EPB41L5: variants seen among roughly 807,000 people sequenced by gnomAD.
EPB41L5 encodes erythrocyte membrane protein band 4.1 like 5.
In EPB41L5, 55 loss-of-function variants were observed where a neutral mutation model predicts 106.6. The observed-to-expected ratio is 0.52, with a 90% CI of 0.42 to 0.65. The LOEUF (loss-of-function observed/expected upper bound fraction) is 0.65. EPB41L5 is among the 30% of genes least tolerant of loss of function. EPB41L5 has a pLI of 0.00. For synonymous variants in EPB41L5, 297 were observed against 306.7 expected, an observed-to-expected ratio of 0.97 and a Z score of 0.33; for missense variants, 871 against 882.1, an observed-to-expected ratio of 0.99 and a Z score of 0.16.
At chr2:120,120,928 C>G (rs1185167132) in intron 16 of EPB41L5, among the ~76,000 whole-genome samples, 6 of 152,148 alleles carry the variant, frequency 3.9e-5, no homozygotes, top group Admixed American at 3.9e-4. Flanking sequence ...CCAGCCCGGC[C>G]AACATGGCGA....
intron 17 of EPB41L5, among the ~76,000 whole-genome samples, chr2:120,129,975 GTC>G (rs1385083158): frequency 6.6e-6 from 1 of 152,086 alleles, no homozygotes; most frequent in Non-Finnish European, 1.5e-5. Flanking sequence ...GCAAAACCCA[GTC>G]TCTACTAAAA....
intron 3 of EPB41L5, among the ~76,000 whole-genome samples, chr2:120,045,069 C>A (rs914095475): frequency 6.6e-6 from 1 of 152,110 alleles, no homozygotes; most frequent in Admixed American, 6.6e-5. Flanking sequence ...TGAAGGGAAG[C>A]GTAAAATGCG....
chr2:120,119,821 A>G lies in EPB41L5; in HGVS notation c.1338-7867A>G, dbSNP rs555692191. On this transcript the variant is annotated intron_variant, in intron 16 of 24. Coordinates refer to ENST00000263713, the MANE Select transcript of EPB41L5 (RefSeq NM_020909.4). Reference sequence around the variant, plus strand: ...AATTAGCATAATCAAATACGTGTCTATTTGAGACAATTAATTTGCATTTCT... The same window carrying G: ...AATTAGCATAATCAAATACGTGTCTGTTTGAGACAATTAATTTGCATTTCT... Among the ~76,000 whole-genome samples the G allele has an allele frequency of 4.1e-4, 62 of 152,340 alleles. 1 individual carries two copies. The highest frequency in any genetic ancestry group is 9.6e-4 in the African/African-American group (40 of 41,586).
intron 19 of EPB41L5, 145 bp downstream of exon 19, chr2:120,143,276 GA>G: frequency 1.0e-6 from 1 of 992,770 alleles, no homozygotes. Context: ...TGCTCAGGGG[GA>G]TACGAAGGCT....
At chr2:120,075,328 T>C in intron 5 of EPB41L5, 148 bp from the exon 6 acceptor site, 1 of 669,228 alleles carries the variant, frequency 1.5e-6, no homozygotes, top group Non-Finnish European at 2.6e-6. Context: ...TATTCAATTA[T>C]TTCATGTATC....
At chr2:120,103,441 A>G (rs1275803523) in intron 16 of EPB41L5, among the ~76,000 whole-genome samples, 1 of 152,126 alleles carries the variant, frequency 6.6e-6, no homozygotes, top group Non-Finnish European at 1.5e-5. Flanking sequence ...GTTGAATTTC[A>G]TTTTGAGGTC....
chr2:120,019,038 T>C (rs1677737706), intron 1 of EPB41L5, 39 bp from the exon 2 acceptor site: 18 of 1,547,888 alleles, frequency 1.2e-5, no homozygotes, highest in Non-Finnish European at 1.6e-5. Context: ...AGAATCTCAT[T>C]TTTTTCCTGA....
chr2:120,154,644 G>A (rs371699591), intron 20 of EPB41L5, among the ~76,000 whole-genome samples: 15 of 151,918 alleles, frequency 9.9e-5, no homozygotes, highest in African/African-American at 3.4e-4. Context: ...ACATGTTTAT[G>A]GGCCAGGCGT....
intron 16 of EPB41L5, among the ~76,000 whole-genome samples, chr2:120,124,212 A>G (rs1685358787): frequency 1.3e-5 from 2 of 151,892 alleles, no homozygotes; most frequent in South Asian, 4.2e-4. Context: ...ACCGTTCTTC[A>G]CTCCCCTCAT....
At chr2:120,073,328 AT>A (rs1174531060) in intron 4 of EPB41L5, 108 bp downstream of exon 4, 9 of 982,006 alleles carry the variant, frequency 9.2e-6, no homozygotes, top group Non-Finnish European at 1.4e-5. Context: ...GTTTTTTAGC[AT>A]TTCCATTTTC....
intron 1 of EPB41L5, among the ~76,000 whole-genome samples, chr2:120,014,742 C>T (rs975361628): frequency 3.3e-5 from 5 of 151,936 alleles, no homozygotes; most frequent in Admixed American, 6.6e-5. Flanking sequence ...AAAGACTCTC[C>T]GGCCGAGCAG....
At chr2:120,022,693 T>C (rs1444081334) in intron 2 of EPB41L5, among the ~76,000 whole-genome samples, 2 of 152,232 alleles carry the variant, frequency 1.3e-5, no homozygotes, top group Non-Finnish European at 2.9e-5. Flanking sequence ...TTTGGGTATA[T>C]ACCCAGTAAT....
At chr2:120,123,423 T>C (rs1270867126) in intron 16 of EPB41L5, among the ~76,000 whole-genome samples, 2 of 152,076 alleles carry the variant, frequency 1.3e-5, no homozygotes, top group East Asian at 3.9e-4. Flanking sequence ...AAGGGCTGAA[T>C]ATCCCACTTG....
At chr2:120,026,979 AC>A (rs1175814641) in intron 2 of EPB41L5, among the ~76,000 whole-genome samples, 3 of 152,242 alleles carry the variant, frequency 2.0e-5, no homozygotes, top group African/African-American at 2.4e-5. Context: ...ATAAGTCATC[AC>A]AGAAATGCAA....
intron 3 of EPB41L5, among the ~76,000 whole-genome samples, chr2:120,044,865 G>T (rs1052178016): frequency 6.6e-6 from 1 of 151,986 alleles, no homozygotes; most frequent in Non-Finnish European, 1.5e-5. Flanking sequence ...TTTTATTTTT[G>T]CTTCACTAAA....
chr2:120,163,434 T>C (rs1205929148), intron 21 of EPB41L5, among the ~76,000 whole-genome samples: 1 of 152,132 alleles, frequency 6.6e-6, no homozygotes, highest in East Asian at 1.9e-4. Flanking sequence ...TATAAGGTAC[T>C]TCAAATACTG....
At chr2:120,026,644 C>G (rs748418820) in intron 2 of EPB41L5, among the ~76,000 whole-genome samples, 6 of 152,284 alleles carry the variant, frequency 3.9e-5, no homozygotes, top group Non-Finnish European at 7.3e-5. Context: ...GTTGGGATTA[C>G]AGGCGTGAGC....
At chr2:120,095,145 T>C (rs1362758154) in intron 14 of EPB41L5, among the ~76,000 whole-genome samples, 1 of 152,202 alleles carries the variant, frequency 6.6e-6, no homozygotes, top group Non-Finnish European at 1.5e-5. Context: ...CTACAACTAT[T>C]GTCTATTTCT....
intron 3 of EPB41L5, among the ~76,000 whole-genome samples, chr2:120,043,934 G>A (rs1184638199): frequency 2.0e-5 from 3 of 151,974 alleles, no homozygotes; most frequent in African/African-American, 4.8e-5. Flanking sequence ...ATAACTTGAG[G>A]CCATGAGTTT....
Sources: gnomAD v4.1 joint callset for allele counts (sites outside exome capture counted in the v4.1 genomes callset) on GRCh38, gnomAD v4.1.1 for gene constraint, MANE v1.5 for transcripts, NCBI Gene and HGNC (gene_info 2026-07-23, HGNC 2026-07-21) for gene names.